TBX20: variants seen among roughly 807,000 people sequenced by gnomAD.
TBX20 encodes the protein T-box transcription factor TBX20.
TBX20 carries 8 observed loss-of-function variants against 42.9 expected under a neutral mutation model. The ratio of observed to expected loss-of-function variants is 0.19; its 90% CI spans 0.11 to 0.34. The LOEUF (loss-of-function observed/expected upper bound fraction) is 0.34, where lower values mean the gene tolerates loss of function less well. Among genes scored for constraint, TBX20 ranks in the 10% least tolerant of loss-of-function variants. TBX20 has a pLI of 1.00. For synonymous variants in TBX20, 198 were observed against 222.8 expected (o/e 0.89, Z 0.99); for missense variants, 411 against 566.0 (o/e 0.73, Z 2.78).
At chr7:35,250,350 C>A in intron 1 of TBX20, 147 bp from the exon 2 acceptor site, 1 of 988,514 alleles carries the variant, frequency 1.0e-6, no homozygotes, top group Non-Finnish European at 1.6e-6. Flanking sequence ...GATGACCCAT[C>A]ATCACTGTAT....
chr7:35,245,056 G>T lies in TBX20; in HGVS notation c.547C>A (p.Leu183Ile), dbSNP rs772745352. ...GKADPPLPAR[L>I]YVHPDSPFTG... ...AAAGGAGAATCTGGATGCACATAGA[G>T]CCTAAGAAAATTAGGAGAAAACTTT... is the stretch of plus-strand genomic sequence containing the variant. Residue 183 changes from leucine to isoleucine, a missense_variant and splice_region_variant, in exon 4 of 8, where the codon CTC becomes ATC. This residue lies in a region of TBX20 where 121 missense variants were observed against 165.9 expected (regional missense o/e 0.73). Coordinates refer to ENST00000408931, the MANE Select transcript of TBX20 (RefSeq NM_001077653.2). The T allele has an allele frequency of 1.2e-6, 2 of 1,609,286 alleles. No individual in the cohort carries two copies.
chr7:35,214,249 A>AG (rs1789545518), intron 6 of TBX20, among the ~76,000 whole-genome samples: 1 of 152,128 alleles, frequency 6.6e-6, no homozygotes, highest in Non-Finnish European at 1.5e-5. Flanking sequence ...TCCAAACAGG[A>AG]TTTTTCTCAG....
At chr7:35,225,023 C>A (rs940162857) in intron 6 of TBX20, among the ~76,000 whole-genome samples, 6 of 151,826 alleles carry the variant, frequency 4.0e-5, no homozygotes, top group Middle Eastern at 3.4e-3. Context: ...AGTATAACTA[C>A]TAGAAAGGAA....
chr7:35,204,464 C>G lies in TBX20; in HGVS notation c.1003+6G>C, dbSNP rs761929372. The G allele has an allele frequency of 5.0e-6, 8 of 1,606,452 alleles. No individual in the cohort carries two copies. Among genetic ancestry groups the G allele is most frequent in the Non-Finnish European group, 6.8e-6 (8 of 1,173,456 alleles). On this transcript the variant is annotated splice_donor_region_variant and intron_variant, in intron 7 of 7. Coordinates refer to ENST00000408931, the MANE Select transcript of TBX20 (RefSeq NM_001077653.2). The stretch of plus-strand genomic sequence containing the variant: ...AGCAATTCCATGGCCTTGGAAACTA[C>G]CTTACCTCGATTTGGGGTTGTCTGA...
At chr7:35,206,825 A>G (rs1211569643) in intron 6 of TBX20, among the ~76,000 whole-genome samples, 2 of 152,202 alleles carry the variant, frequency 1.3e-5, no homozygotes, top group African/African-American at 4.8e-5. Context: ...TATTTCACTC[A>G]GCATATTTTA....
chr7:35,236,408 T>C (rs1478605371), intron 5 of TBX20, among the ~76,000 whole-genome samples: 2 of 152,172 alleles, frequency 1.3e-5, no homozygotes, highest in Admixed American at 6.6e-5. Flanking sequence ...TAGGCTATTA[T>C]ATGCTGCAGG....
At chr7:35,225,299 C>T (rs1789750408) in intron 6 of TBX20, among the ~76,000 whole-genome samples, 2 of 151,686 alleles carry the variant, frequency 1.3e-5, no homozygotes, top group Admixed American at 6.6e-5. Context: ...TTAGATACGC[C>T]CAGTTGCCAC....
chr7:35,240,841 C>T, intron 5 of TBX20, 38 bp downstream of exon 5: 1 of 1,594,496 alleles, frequency 6.3e-7, no homozygotes, highest in Non-Finnish European at 8.6e-7. Flanking sequence ...CTAAATCCTT[C>T]TCTTATGCAG....
rs187182906 is a variant in TBX20 at position 35,217,846 on chromosome 7, G to A, written c.891-13264C>T. 5.3e-3 allele frequency among the ~76,000 whole-genome samples: 799 copies of A among 152,068 alleles called. 7 individuals carry two copies. The highest frequency in any genetic ancestry group is 0.017 in the African/African-American group (710 of 41,468). On this transcript the variant is annotated intron_variant, in intron 6 of 7. Coordinates refer to ENST00000408931, the MANE Select transcript of TBX20 (RefSeq NM_001077653.2). ...AGTGATTGTCCTGCCTCAGCCTCCC[G>A]AGTAGCTGGGATTACAGGCATGCAC... is the stretch of plus-strand genomic sequence containing the variant.
intron 7 of TBX20, among the ~76,000 whole-genome samples, chr7:35,203,116 T>C (rs1789335416): frequency 6.6e-6 from 1 of 152,190 alleles, no homozygotes; most frequent in African/African-American, 2.4e-5. Context: ...CTGACCTCTG[T>C]AGTGTCCTAA....
At chr7:35,238,106 G>A (rs370904962) in intron 5 of TBX20, among the ~76,000 whole-genome samples, 1 of 152,110 alleles carries the variant, frequency 6.6e-6, no homozygotes, top group Non-Finnish European at 1.5e-5. Context: ...CCAACTGTAC[G>A]ATGCTGAATA....
chr7:35,233,214 A>G (rs1173344394), intron 5 of TBX20, among the ~76,000 whole-genome samples: 1 of 152,212 alleles, frequency 6.6e-6, no homozygotes, highest in Non-Finnish European at 1.5e-5. Flanking sequence ...GAAGCTATTT[A>G]TGCCTCACTT....
At position 35,250,135 on chromosome 7, in the gene TBX20, C is replaced by G; in HGVS notation, c.196G>C (p.Glu66Gln). ...CTGCTGCCACTGCCTCCACCAAACT[C>G]CCCATGAGCATCCAGGCTGGTCAGC... ...GELTSLDAHGEFGGGSGSSPS... is the reference protein window; with the variant it reads ...GELTSLDAHGQFGGGSGSSPS... The change falls in exon 2 of 8, where the codon GAG becomes CAG. Residue 66 changes from glutamate (E) to glutamine (Q), a missense_variant. By Grantham distance (29) the Glu-to-Gln change is conservative (BLOSUM62 2). Coordinates refer to ENST00000408931, the MANE Select transcript of TBX20 (RefSeq NM_001077653.2). 1.2e-6 allele frequency: 2 copies of G among 1,614,002 alleles called. No homozygotes were observed. The highest frequency in any genetic ancestry group is 1.7e-6 in the Non-Finnish European group (2 of 1,179,982).
At chr7:35,250,548 C>T (rs537907289) in intron 1 of TBX20, among the ~76,000 whole-genome samples, 2 of 152,308 alleles carry the variant, frequency 1.3e-5, no homozygotes, top group East Asian at 3.9e-4. Context: ...GTCACCCCTC[C>T]CAAATTCTAG....
At chr7:35,212,782 C>T (rs182379568) in intron 6 of TBX20, among the ~76,000 whole-genome samples, 44 of 152,284 alleles carry the variant, frequency 2.9e-4, no homozygotes, top group African/African-American at 9.6e-4. Flanking sequence ...TTGTTTCCCC[C>T]TAATCTTTTC....
intron 3 of TBX20, among the ~76,000 whole-genome samples, chr7:35,245,401 C>T (rs2128715364): frequency 1.3e-5 from 2 of 150,230 alleles, no homozygotes; most frequent in South Asian, 4.2e-4. Context: ...GCAAAATCTT[C>T]TTGTTGAAGG....
At chr7:35,252,380 ATT>A (rs10713208) in intron 1 of TBX20, among the ~76,000 whole-genome samples, 169 of 145,938 alleles carry the variant, frequency 1.2e-3, no homozygotes, top group Admixed American at 2.2e-3. Context: ...TAGAGGACAG[ATT>A]TTTTTTTTTT....
intron 5 of TBX20, among the ~76,000 whole-genome samples, chr7:35,232,843 T>C (rs1195634300): frequency 6.6e-6 from 1 of 151,980 alleles, no homozygotes; most frequent in African/African-American, 2.4e-5. Flanking sequence ...ACCAACATGG[T>C]GAAACCCTGT....
chr7:35,238,448 T>G (rs571994547), intron 5 of TBX20, among the ~76,000 whole-genome samples: 1 of 152,204 alleles, frequency 6.6e-6, no homozygotes, highest in African/African-American at 2.4e-5. Context: ...ATAAAAGCAA[T>G]GAGGTTTCCA....
Sources: gnomAD v4.1 joint callset for allele counts (sites outside exome capture counted in the v4.1 genomes callset) on GRCh38, gnomAD v4.1.1 for gene constraint, gnomAD v4.1.1 regional missense constraint, MANE v1.5 for transcripts, NCBI Gene and HGNC (gene_info 2026-07-23, HGNC 2026-07-21) for gene names.